Variants in PNPLA6 observed in about 807,000 individuals in gnomAD.
PNPLA6 encodes the protein patatin-like phospholipase domain-containing protein 6.
In PNPLA6, 105 loss-of-function variants were observed where a neutral mutation model predicts 153.7. The ratio of observed to expected loss-of-function variants is 0.68; its 90% CI spans 0.58 to 0.80. The LOEUF (loss-of-function observed/expected upper bound fraction) is 0.80. Among genes scored for constraint, PNPLA6 ranks in the 30% least tolerant of loss-of-function variants. The pLI is 0.00. For missense variants in PNPLA6, 1,423 were observed against 1,919.3 expected (o/e 0.74, Z 4.83); for synonymous variants, 825 against 822.2 (o/e 1.00, Z -0.06).
At chr19:7,557,123 T>G in intron 26 of PNPLA6, 45 bp from the exon 27 acceptor site, 16 of 1,425,576 alleles carry the variant, frequency 1.1e-5, no homozygotes, top group East Asian at 2.3e-5. Context: ...CCGGCGTGTC[T>G]GAGCGTGTCT....
intron 13 of PNPLA6, among the ~76,000 whole-genome samples, chr19:7,547,062 G>A (rs1190999750): frequency 3.3e-5 from 5 of 151,860 alleles, no homozygotes; most frequent in African/African-American, 7.3e-5. Context: ...ACGCTGCCAC[G>A]CCCAGCTAAT....
Position 7,541,297 on chromosome 19 carries a change from T to C in PNPLA6, c.925-57T>C, listed in dbSNP as rs1184848655. ...TGCTGCGAACTAGCCCGGCCCACCATCTGGCCCTGCCCCTTACCCCGCCCC... is the reference window on the plus strand; with the variant it reads ...TGCTGCGAACTAGCCCGGCCCACCACCTGGCCCTGCCCCTTACCCCGCCCC... On this transcript the variant is annotated intron_variant, in intron 7 of 31. Coordinates refer to ENST00000600737, the MANE Select transcript of PNPLA6 (RefSeq NM_001166114.2). This position sits in a 1 kb window ranked among gnomAD's most constrained non-coding sequence, Gnocchi z 5.2. The C allele has an allele frequency of 3.4e-6, 5 of 1,470,982 alleles. No homozygotes were observed. In the African/African-American group the frequency reaches 6.9e-5, roughly 20 times the overall value. 91.1% of individuals were successfully genotyped at this position (1,470,982 alleles called of 1,614,324 possible). A position where few individuals can be genotyped will look rare whatever the true frequency, so the allele number is the denominator to read the frequency against.
intron 3 of PNPLA6, among the ~76,000 whole-genome samples, chr19:7,539,048 G>A (rs1248541606): frequency 1.3e-5 from 2 of 152,256 alleles, no homozygotes; most frequent in Non-Finnish European, 2.9e-5. Context: ...TAAAGGGCCA[G>A]ATAGTAAATG....
Position 7,555,287 on chromosome 19 carries a change from C to T in PNPLA6, c.2856C>T (p.Asp952=). 1 of 1,594,744 alleles carries T rather than the reference C, an allele frequency of 6.3e-7. No homozygotes were observed. Among genetic ancestry groups the T allele is most frequent in the Non-Finnish European group, 8.5e-7 (1 of 1,170,714 alleles). ...LYEKVFSRRA[D]RHSDFSRLAR... is the part of the protein sequence containing the mutation. ...AGAAGGTTTTCTCCAGGCGCGCGGA[C>T]CGGCACAGCGACTTCTCCCGCTTGG... The change falls in exon 23 of 32, where the codon GAC becomes GAT. Residue 952 remains aspartate, a synonymous_variant. Coordinates refer to ENST00000600737, the MANE Select transcript of PNPLA6 (RefSeq NM_001166114.2). The surrounding 1 kb of genome is among the most constrained non-coding windows in gnomAD (Gnocchi z 6.3).
Position 7,561,305 on chromosome 19 carries a change from T to G in PNPLA6, c.4011T>G (p.Thr1337=). 2.5e-6 allele frequency: 4 copies of G among 1,604,386 alleles called. No individual in the cohort carries two copies. Among genetic ancestry groups the G allele is most frequent in the Non-Finnish European group, 3.4e-6 (4 of 1,176,178 alleles). ...CCCCCGAGGGCGCAAGCCCCAGCAC[T>G]GCCTCCGAGATGGTGAGAGTGGGTG... ...GGSPEGASPS[T]ASEMEEEKSI... is the part of the protein sequence containing the mutation. Residue 1337 remains threonine (T), a synonymous_variant, in exon 31 of 32, where the codon ACT becomes ACG. Coordinates refer to ENST00000600737, the MANE Select transcript of PNPLA6 (RefSeq NM_001166114.2).
chr19:7,549,732 C>A (rs573887), intron 13 of PNPLA6, 175 bp from the exon 14 acceptor site: 20 of 669,636 alleles, frequency 3.0e-5, no homozygotes, highest in Non-Finnish European at 4.8e-5. Context: ...AGTGATCCCC[C>A]CTGCCTGGCC....
intron 27 of PNPLA6, among the ~76,000 whole-genome samples, chr19:7,558,387 T>G (rs2023973024): frequency 6.6e-6 from 1 of 152,168 alleles, no homozygotes; most frequent in African/African-American, 2.4e-5. Flanking sequence ...ATCCCAGCAC[T>G]TTGGGAGGCT....
rs1568422261 is a variant in PNPLA6 at position 7,557,205 on chromosome 19, G to A, written c.3318G>A (p.Leu1106=). ...LWRYVRASMT[L]SGYLPPLCDP... ...GGTACGTGCGCGCCAGCATGACGCT[G>A]TCGGGCTACCTGCCCCCGCTGTGCG... is the stretch of plus-strand genomic sequence containing the variant. Residue 1106 remains leucine (L), a synonymous_variant, in exon 27 of 32, where the codon CTG becomes CTA. Coordinates refer to ENST00000600737, the MANE Select transcript of PNPLA6 (RefSeq NM_001166114.2). 2 of 1,606,600 alleles carry A rather than the reference G, an allele frequency of 1.2e-6. No homozygotes were observed. Among genetic ancestry groups the A allele is most frequent in the Non-Finnish European group, 1.7e-6 (2 of 1,177,760 alleles).
chr19:7,549,776 C>A, intron 13 of PNPLA6, 131 bp from the exon 14 acceptor site: 1 of 895,052 alleles, frequency 1.1e-6, no homozygotes, highest in Non-Finnish European at 1.8e-6. Context: ...CGTGAGCCAC[C>A]GCGCCCTGCG....
At chr19:7,554,488 T>G in intron 20 of PNPLA6, 67 bp from the exon 21 acceptor site, 3 of 1,562,432 alleles carry the variant, frequency 1.9e-6, no homozygotes, top group Non-Finnish European at 2.6e-6. Flanking sequence ...AACGGAGCTA[T>G]GTGGTCTCGG....
chr19:7,542,748 C>A lies in PNPLA6; in HGVS notation c.1363-13C>A. 1 of 1,612,890 alleles carries A rather than the reference C, an allele frequency of 6.2e-7. No individual in the cohort carries two copies. On this transcript the variant is annotated splice_polypyrimidine_tract_variant and intron_variant, in intron 11 of 31. Transcript: ENST00000600737. ...GAGGGAGCATCAGGAGGTCACAAGC[C>A]TGCCCCACTCAGACCCCCACTCAGG...
At chr19:7,550,888 C>G (rs966488502) in intron 16 of PNPLA6, 106 bp from the exon 17 acceptor site, 2 of 952,754 alleles carry the variant, frequency 2.1e-6, no homozygotes, top group South Asian at 2.9e-5. Context: ...CCCTACACCC[C>G]CATTGCAGGG....
intron 3 of PNPLA6, 70 bp from the exon 4 acceptor site, chr19:7,539,848 C>A: frequency 2.9e-6 from 3 of 1,052,294 alleles, no homozygotes; most frequent in Non-Finnish European, 4.2e-6. Flanking sequence ...AAGGGGTATG[C>A]GGGGGTCTTA....
intron 18 of PNPLA6, 29 bp from the exon 19 acceptor site, chr19:7,553,846 A>G: frequency 6.2e-7 from 1 of 1,614,198 alleles, no homozygotes; most frequent in Non-Finnish European, 8.5e-7. Context: ...GGTTCGCACC[A>G]CAAATCTCAT....
chr19:7,556,432 T>C lies in PNPLA6; in HGVS notation c.3094-21T>C, dbSNP rs758703637. On this transcript the variant is annotated intron_variant, in intron 24 of 31. Transcript: ENST00000600737. ...ACCCCATGTAACTCCTATTTGACCC[T>C]GTCTGGCCCCTTGTCCCTAGAGCAT... The C allele has an allele frequency of 8.1e-6, 12 of 1,482,488 alleles. No individual in the cohort carries two copies. The Admixed American group carries it at 1.0e-4, about 12-fold the overall frequency. The allele number at this position is 1,482,488 out of a possible 1,614,324, so 91.8% of individuals were successfully genotyped here.
At chr19:7,553,120 A>G (rs2023726600) in intron 18 of PNPLA6, among the ~76,000 whole-genome samples, 1 of 152,118 alleles carries the variant, frequency 6.6e-6, no homozygotes, top group Admixed American at 6.6e-5. Context: ...GGGAGGAAGG[A>G]TTCCACCAGT....
At position 7,561,247 on chromosome 19, in the gene PNPLA6, C is replaced by A; in HGVS notation, c.3953C>A (p.Ala1318Asp). ...SDCLTEYEED[A>D]GPDCSRDEGG... ...TGTCTGACAGAGTATGAGGAGGACG[C>A]CGGACCCGACTGCTCGAGGGATGAA... is the stretch of plus-strand genomic sequence containing the variant. Residue 1318 changes from alanine (A) to aspartate (D), a missense_variant, in exon 31 of 32, where the codon GCC becomes GAC. Physicochemically the swap from Ala to Asp is moderately radical, Grantham distance 126. Around this residue, in one of 10 missense-constraint regions of PNPLA6, gnomAD observed 643 missense variants for 835.2 expected, o/e 0.77. Transcript: ENST00000600737. 1 of 1,610,804 alleles carries A rather than the reference C, an allele frequency of 6.2e-7. No homozygotes were observed. Among genetic ancestry groups the A allele is most frequent in the Non-Finnish European group, 8.5e-7 (1 of 1,179,100 alleles).
At position 7,554,206 on chromosome 19, in the gene PNPLA6, T is replaced by G. The variant is rs771208886; in HGVS notation, c.2402-3T>G. 2.5e-6 allele frequency: 4 copies of G among 1,613,670 alleles called. No individual in the cohort carries two copies. The African/African-American group carries it at 5.3e-5, about 22-fold the overall frequency. On this transcript the variant is annotated splice_polypyrimidine_tract_variant and splice_region_variant and intron_variant, in intron 19 of 31. Coordinates refer to ENST00000600737, the MANE Select transcript of PNPLA6 (RefSeq NM_001166114.2). ...CCAGCCTCCCTTCCCCACCTACCCCTAGGTCCGACGCTACTCCTTAACAGT... is the reference window on the plus strand; with the variant it reads ...CCAGCCTCCCTTCCCCACCTACCCCGAGGTCCGACGCTACTCCTTAACAGT...
chr19:7,556,809 G>A (rs1340397349), intron 26 of PNPLA6, 85 bp downstream of exon 26: 4 of 1,014,840 alleles, frequency 3.9e-6, no homozygotes, highest in Non-Finnish European at 6.3e-6. Flanking sequence ...TGAGCTTCTG[G>A]GACGTTGTTA....
Sources: allele counts gnomAD v4.1 joint callset (sites outside exome capture counted in the v4.1 genomes callset), GRCh38; gene constraint gnomAD v4.1.1; regional missense constraint gnomAD v4.1.1; non-coding constraint Gnocchi (gnomAD v3.1); transcripts MANE v1.5; gene names NCBI Gene and HGNC (gene_info 2026-07-23, HGNC 2026-07-21).